Variants in BCAS1 observed in about 807,000 individuals in gnomAD.
The protein encoded by BCAS1 is brain enriched myelin associated protein 1, also known as breast carcinoma-amplified sequence 1.
Under a neutral mutation model 65.4 loss-of-function variants are expected in BCAS1, and 46 were observed. The observed-to-expected ratio is 0.70, with a 90% CI of 0.55 to 0.90. BCAS1 has a LOEUF of 0.90. Ranked by LOEUF, BCAS1 falls within the 40% of genes least tolerant of loss-of-function variation. BCAS1 has a pLI of 0.00. For missense variants in BCAS1, 793 were observed against 771.2 expected (o/e 1.03, Z -0.33); for synonymous variants, 298 against 293.5 (o/e 1.02, Z -0.16).
chr20:54,058,800 G>A, intron 1 of BCAS1, 77 bp from the exon 2 acceptor site: 1 of 1,549,262 alleles, frequency 6.5e-7, no homozygotes, highest in South Asian at 1.2e-5. Context: ...AAGGTGCAGA[G>A]GCCTGACAAG....
chr20:53,949,085 G>T (rs1319693935), intron 12 of BCAS1, among the ~76,000 whole-genome samples: 3 of 152,134 alleles, frequency 2.0e-5, no homozygotes, highest in African/African-American at 7.2e-5. Context: ...AAAGGGGAAG[G>T]CTGGGAAAGG....
At chr20:54,061,607 A>G (rs16998873) in intron 1 of BCAS1, among the ~76,000 whole-genome samples, 21,139 of 152,180 alleles carry the variant, frequency 0.14, 1,940 homozygotes, top group East Asian at 0.32. Context: ...TTGAGCAATT[A>G]GATATTGAGG....
Position 54,068,853 on chromosome 20 carries a change from C to G in BCAS1, c.-6+1580G>C, listed in dbSNP as rs753986200. On this transcript the variant is annotated intron_variant, in intron 1 of 12. Coordinates refer to ENST00000688948, the MANE Select transcript of BCAS1 (RefSeq NM_001366298.2). ...TAATACTCCAGCAGGACAGATGAGC[C>G]TGCAAGGTGCAAAGGTACCCCCGCC... is the stretch of plus-strand genomic sequence containing the variant. Among the ~76,000 whole-genome samples, 6 of 152,266 alleles carry G rather than the reference C, an allele frequency of 3.9e-5. No homozygotes were observed. In the South Asian group the frequency reaches 6.2e-4, roughly 16 times the overall value.
At chr20:53,955,478 T>A (rs886445596) in intron 11 of BCAS1, among the ~76,000 whole-genome samples, 1 of 152,230 alleles carries the variant, frequency 6.6e-6, no homozygotes. Flanking sequence ...AGATCCCAGT[T>A]CAAATGCCTT....
Position 54,066,278 on chromosome 20 carries a change from T to C in BCAS1, c.-6+4155A>G, listed in dbSNP as rs185818675. Among the ~76,000 whole-genome samples the C allele has an allele frequency of 6.1e-3, 936 of 152,312 alleles. 6 individuals are homozygous for C. The highest frequency in any genetic ancestry group is 0.01 in the Non-Finnish European group (711 of 68,024). On this transcript the variant is annotated intron_variant, in intron 1 of 12. Coordinates refer to ENST00000688948, the MANE Select transcript of BCAS1 (RefSeq NM_001366298.2). The stretch of plus-strand genomic sequence containing the variant: ...TGGTAGAGACGGGGTTTCCCCGTGT[T>C]AGCCAGGATGGTCTCGATCTCCTGA...
chr20:53,963,938 A>C (rs1218561884), intron 10 of BCAS1, among the ~76,000 whole-genome samples: 1 of 152,352 alleles, frequency 6.6e-6, no homozygotes, highest in African/African-American at 2.4e-5. Flanking sequence ...AACGTGGGTG[A>C]GACACTTGGT....
rs112959111 is a variant in BCAS1, at chr20:54,026,019, T to C, written c.723+2373A>G. On this transcript the variant is annotated intron_variant, in intron 4 of 12. Coordinates refer to ENST00000688948, the MANE Select transcript of BCAS1 (RefSeq NM_001366298.2). ...CTATTTCATAACTTTTCTGTGTTTCTCATGTACATAGTACAAAGTGGGCAC... is the reference window on the plus strand; with the variant it reads ...CTATTTCATAACTTTTCTGTGTTTCCCATGTACATAGTACAAAGTGGGCAC... Among the ~76,000 whole-genome samples the C allele has an allele frequency of 2.3e-3, 353 of 152,312 alleles. 4 individuals carry two copies. The highest frequency in any genetic ancestry group is 8.3e-3 in the African/African-American group (343 of 41,554).
intron 11 of BCAS1, among the ~76,000 whole-genome samples, chr20:53,954,773 CA>C (rs1017173836): frequency 8.5e-5 from 13 of 152,270 alleles, no homozygotes; most frequent in South Asian, 2.1e-4. Context: ...CCAGTTCAAG[CA>C]AGGCTGGCTT....
intron 4 of BCAS1, among the ~76,000 whole-genome samples, chr20:53,996,845 T>C (rs2090928966): frequency 6.6e-6 from 1 of 152,186 alleles, no homozygotes; most frequent in Admixed American, 6.5e-5. Context: ...ATCTCCAACG[T>C]CTAACATGGT....
intron 1 of BCAS1, among the ~76,000 whole-genome samples, chr20:54,065,164 C>CT (rs56202418): frequency 0.046 from 5,544 of 120,980 alleles, 154 homozygotes; most frequent in East Asian, 0.14. Flanking sequence ...ATCTATCTAT[C>CT]ATCTACTTTA....
rs556017043 is a variant in BCAS1 at position 54,022,010 on chromosome 20, C to G, written c.723+6382G>C. Among the ~76,000 whole-genome samples, 5 of 152,286 alleles carry G rather than the reference C, an allele frequency of 3.3e-5. No homozygotes were observed. The East Asian group carries it at 7.7e-4, about 23-fold the overall frequency. ...ATGGTGCTGACAGACTTGCTTGATGCAGGATTGTCACAAACCTTTAATGTG... is the reference window on the plus strand; with the variant it reads ...ATGGTGCTGACAGACTTGCTTGATGGAGGATTGTCACAAACCTTTAATGTG... On this transcript the variant is annotated intron_variant, in intron 4 of 12. Transcript: ENST00000688948.
At chr20:54,051,629 T>C (rs2092213899) in intron 3 of BCAS1, among the ~76,000 whole-genome samples, 1 of 152,230 alleles carries the variant, frequency 6.6e-6, no homozygotes, top group Admixed American at 6.5e-5. Context: ...GACACCCTTC[T>C]AACATAGCAA....
At chr20:54,018,282 C>T (rs370575472) in intron 4 of BCAS1, among the ~76,000 whole-genome samples, 1 of 152,130 alleles carries the variant, frequency 6.6e-6, no homozygotes, top group Admixed American at 6.5e-5. Flanking sequence ...GTTGGTCTCT[C>T]CACTAGAAGG....
chr20:53,995,203 C>T, intron 5 of BCAS1, 147 bp from the exon 6 acceptor site: 1 of 644,782 alleles, frequency 1.6e-6, no homozygotes, highest in South Asian at 2.0e-5. Context: ...ATAGAAATCT[C>T]AGGACCGCCG....
chr20:53,978,815 A>C (rs1485702626), intron 8 of BCAS1, among the ~76,000 whole-genome samples: 1 of 152,070 alleles, frequency 6.6e-6, no homozygotes, highest in African/African-American at 2.4e-5. Context: ...TCTGCTCAGA[A>C]CCCAAGTCTA....
At chr20:53,991,279 TC>T (rs1265676571) in intron 7 of BCAS1, among the ~76,000 whole-genome samples, 2 of 152,108 alleles carry the variant, frequency 1.3e-5, no homozygotes, top group Admixed American at 1.3e-4. Context: ...TAATCTTCCC[TC>T]CCCCGTTGCA....
chr20:53,976,370 T>A (rs1020525636), intron 8 of BCAS1, among the ~76,000 whole-genome samples: 1 of 152,236 alleles, frequency 6.6e-6, no homozygotes, highest in South Asian at 2.1e-4. Context: ...ATGTCTCTCC[T>A]CTTGGATTAC....
At chr20:53,999,035 T>C (rs1337144946) in intron 4 of BCAS1, among the ~76,000 whole-genome samples, 2 of 152,198 alleles carry the variant, frequency 1.3e-5, no homozygotes, top group African/African-American at 4.8e-5. Context: ...GAACTGAACA[T>C]CTTAAAATTC....
chr20:54,000,206 T>C (rs1038407068), intron 4 of BCAS1, among the ~76,000 whole-genome samples: 1 of 152,228 alleles, frequency 6.6e-6, no homozygotes, highest in East Asian at 1.9e-4. Flanking sequence ...GGAGACATTT[T>C]TTTGATTGTC....
Sources: allele counts gnomAD v4.1 joint callset (sites outside exome capture counted in the v4.1 genomes callset), GRCh38; gene constraint gnomAD v4.1.1; transcripts MANE v1.5; gene names NCBI Gene and HGNC (gene_info 2026-07-23, HGNC 2026-07-21).